Variants in ALCAM observed in about 807,000 individuals in gnomAD.
ALCAM encodes the protein CD166 antigen.
In ALCAM, 30 loss-of-function variants were observed where a neutral mutation model predicts 70.9. The ratio of observed to expected loss-of-function variants is 0.42; its 90% CI spans 0.32 to 0.57. The LOEUF (loss-of-function observed/expected upper bound fraction) is 0.57, where lower values mean the gene tolerates loss of function less well. ALCAM is among the 20% of genes least tolerant of loss of function. ALCAM has a pLI of 0.11. For missense variants in ALCAM, 591 were observed against 695.1 expected (o/e 0.85, Z 1.68); for synonymous variants, 249 against 242.5 (o/e 1.03, Z -0.25).
At chr3:105,432,513 A>AT (rs1936958831) in intron 1 of ALCAM, among the ~76,000 whole-genome samples, 1 of 151,750 alleles carries the variant, frequency 6.6e-6, no homozygotes, top group Non-Finnish European at 1.5e-5. Context: ...AGATATTCCG[A>AT]TTTTCTCTTT....
intron 1 of ALCAM, among the ~76,000 whole-genome samples, chr3:105,376,787 C>G (rs1935390080): frequency 6.6e-6 from 1 of 152,106 alleles, no homozygotes; most frequent in Non-Finnish European, 1.5e-5. Flanking sequence ...AATAATCTAG[C>G]AAAGGATGTA....
At chr3:105,373,989 C>T (rs1015159929) in intron 1 of ALCAM, among the ~76,000 whole-genome samples, 3 of 151,902 alleles carry the variant, frequency 2.0e-5, no homozygotes, top group African/African-American at 7.3e-5. Context: ...CCTGATGGCA[C>T]TTTAGTAGTA....
chr3:105,465,642 A>G (rs574987228), intron 1 of ALCAM, among the ~76,000 whole-genome samples: 2 of 151,546 alleles, frequency 1.3e-5, no homozygotes, highest in East Asian at 3.9e-4. Context: ...GTTTACTTGA[A>G]TCTATCAAGG....
At position 105,545,487 on chromosome 3, in the gene ALCAM, TAAC is replaced by T. The variant is rs1447096959; in HGVS notation, c.1104+155_1104+157del. On this transcript the variant is annotated intron_variant, in intron 9 of 15. Coordinates refer to ENST00000306107, the MANE Select transcript of ALCAM (RefSeq NM_001627.4). ...TCTGTTTCTGATAAGAGAAATAAAATAACAATAAAATTTTAGAGGTGCTCAACA... is the reference window on the plus strand; with the variant it reads ...TCTGTTTCTGATAAGAGAAATAAAATAATAAAATTTTAGAGGTGCTCAACA... 5.3e-6 allele frequency: 3 copies of T among 571,342 alleles called. No individual in the cohort carries two copies. In the African/African-American group the frequency reaches 5.7e-5, roughly 11 times the overall value. The allele number at this position is 571,342 out of a possible 1,614,324, so 35.4% of individuals were successfully genotyped here.
chr3:105,526,484 C>A (rs1939709658), intron 3 of ALCAM, among the ~76,000 whole-genome samples: 2 of 152,058 alleles, frequency 1.3e-5, no homozygotes, highest in African/African-American at 4.8e-5. Context: ...CCAACACCCC[C>A]CTACTCCCTT....
rs1379369123 is a variant in ALCAM at position 105,367,016 on chromosome 3, T to G, written c.-393T>G. 1 of 170,356 alleles carries G rather than the reference T, an allele frequency of 5.9e-6. No homozygotes were observed. Among genetic ancestry groups the G allele is most frequent in the Non-Finnish European group, 1.3e-5 (1 of 77,640 alleles). 10.6% of individuals were successfully genotyped at this position (170,356 alleles called of 1,614,324 possible). A position where few individuals can be genotyped will look rare whatever the true frequency, so the allele number is the denominator to read the frequency against. ...CCTCCTGCGAGTCCTTCTTAGCACC[T>G]GGCGTTTCATGCACATTGCCACTGC... On this transcript the variant is annotated 5_prime_UTR_variant, in exon 1 of 16. Coordinates refer to ENST00000306107, the MANE Select transcript of ALCAM (RefSeq NM_001627.4).
At position 105,539,988 on chromosome 3, in the gene ALCAM, G is replaced by T; in HGVS notation, c.744G>T (p.Gln248His). The T allele has an allele frequency of 2.5e-6, 4 of 1,612,224 alleles. No homozygotes were observed. Among genetic ancestry groups the T allele is most frequent in the Non-Finnish European group, 3.4e-6 (4 of 1,178,792 alleles). The change falls in exon 7 of 16, where the codon CAG (glutamine) becomes CAT (histidine). Residue 248 changes from glutamine (Q) to histidine (H), a missense_variant. By Grantham distance (24) the Gln-to-His change is conservative. Transcript: ENST00000306107. ...AVFDIYYPTE[Q>H]VTIQVLPPKN... ...TAACTCTTACAGATCCTACAGAGCA[G>T]GTGACAATACAAGTGCTGCCACCAA...
At chr3:105,521,307 C>A (rs1447950765) in intron 2 of ALCAM, among the ~76,000 whole-genome samples, 63 of 78,134 alleles carry the variant, frequency 8.1e-4, no homozygotes, top group African/African-American at 2.4e-3. Flanking sequence ...GACTCCGTCT[C>A]AAAAAAAAAA....
At chr3:105,542,606 C>G (rs1019237665) in intron 8 of ALCAM, among the ~76,000 whole-genome samples, 2 of 151,826 alleles carry the variant, frequency 1.3e-5, no homozygotes, top group African/African-American at 4.8e-5. Flanking sequence ...AAGGTTTCCT[C>G]TAGACATCAT....
chr3:105,518,154 T>C (rs1485205084), intron 1 of ALCAM, among the ~76,000 whole-genome samples: 1 of 152,110 alleles, frequency 6.6e-6, no homozygotes, highest in Non-Finnish European at 1.5e-5. Context: ...ATTCACTTCA[T>C]TGGTACCTAA....
intron 1 of ALCAM, among the ~76,000 whole-genome samples, chr3:105,397,977 A>C (rs899809762): frequency 5.1e-4 from 78 of 152,092 alleles, no homozygotes; most frequent in Non-Finnish European, 8.2e-4. Context: ...TGCAGTGATA[A>C]AGAAAACATG....
chr3:105,524,768 G>GAAGT, intron 3 of ALCAM: 1 of 1,221,764 alleles, frequency 8.2e-7, no homozygotes, highest in Non-Finnish European at 1.0e-6. Context: ...CGTGAGCTAT[G>GAAGT]AAGTACTACT....
chr3:105,548,656 G>T (rs495691), intron 11 of ALCAM, among the ~76,000 whole-genome samples: 110,055 of 151,078 alleles, frequency 0.73, 41,141 homozygotes, highest in Admixed American at 0.85. Flanking sequence ...GTAGGCACAC[G>T]TGAAGTGAAT....
chr3:105,419,106 A>C (rs1936579931), intron 1 of ALCAM, among the ~76,000 whole-genome samples: 1 of 151,698 alleles, frequency 6.6e-6, no homozygotes, highest in Non-Finnish European at 1.5e-5. Flanking sequence ...ATATAGGATA[A>C]AAATTATTAT....
chr3:105,414,127 A>C (rs1936452189), intron 1 of ALCAM, among the ~76,000 whole-genome samples: 1 of 151,974 alleles, frequency 6.6e-6, no homozygotes, highest in Non-Finnish European at 1.5e-5. Flanking sequence ...GGTCGAGTGC[A>C]GTGGCTCATA....
At chr3:105,547,671 T>C in intron 11 of ALCAM, 148 bp downstream of exon 11, 3 of 960,072 alleles carry the variant, frequency 3.1e-6, no homozygotes, top group South Asian at 2.0e-5. Flanking sequence ...CAGTACATGC[T>C]CAGAGGAAGC....
chr3:105,470,881 T>A (rs1008366499), intron 1 of ALCAM, among the ~76,000 whole-genome samples: 43 of 151,302 alleles, frequency 2.8e-4, no homozygotes, highest in African/African-American at 9.9e-4. Context: ...TTTAAAAATG[T>A]TTTCCTCCCT....
chr3:105,441,315 A>C (rs1317620125), intron 1 of ALCAM, among the ~76,000 whole-genome samples: 1 of 152,148 alleles, frequency 6.6e-6, no homozygotes, highest in Non-Finnish European at 1.5e-5. Flanking sequence ...TGGTCTGAAC[A>C]GAATAGTTGC....
intron 14 of ALCAM, among the ~76,000 whole-genome samples, chr3:105,568,517 A>T (rs1940793895): frequency 6.6e-6 from 1 of 152,180 alleles, no homozygotes; most frequent in African/African-American, 2.4e-5. Context: ...GTACCTAAAA[A>T]TCTATCAGGC....
Sources: allele counts gnomAD v4.1 joint callset (sites outside exome capture counted in the v4.1 genomes callset), GRCh38; gene constraint gnomAD v4.1.1; transcripts MANE v1.5; gene names NCBI Gene and HGNC (gene_info 2026-07-23, HGNC 2026-07-21).